The following SATB2 variants were observed in gnomAD, a reference collection of about 807,000 sequenced individuals.
SATB2 encodes SATB homeobox 2.
SATB2 carries 1 observed loss-of-function variant against 73.4 expected under a neutral mutation model. The observed-to-expected ratio is 0.01, with a 90% CI of 0.00 to 0.06. The LOEUF (loss-of-function observed/expected upper bound fraction) is 0.06, where lower values mean the gene tolerates loss of function less well. Ranked by LOEUF, SATB2 falls within the 10% of genes least tolerant of loss-of-function variation. The pLI, the probability that SATB2 is intolerant of heterozygous loss-of-function variation, is 1.00. For synonymous variants in SATB2, 397 were observed against 367.0 expected, an observed-to-expected ratio of 1.08 and a Z score of -0.93; for missense variants, 459 against 945.8, an observed-to-expected ratio of 0.49 and a Z score of 6.75.
intron 7 of SATB2, among the ~76,000 whole-genome samples, chr2:199,344,121 A>G (rs1483268982): frequency 6.6e-6 from 1 of 152,192 alleles, no homozygotes; most frequent in Non-Finnish European, 1.5e-5. Context: ...TCTAAAATCC[A>G]AAGTAATACA....
At chr2:199,388,192 A>G (rs1690017018) in intron 3 of SATB2, among the ~76,000 whole-genome samples, 1 of 152,238 alleles carries the variant, frequency 6.6e-6, no homozygotes, top group Non-Finnish European at 1.5e-5. Flanking sequence ...TGTATTAAGC[A>G]TGAAGCATTC....
chr2:199,452,799 A>T (rs1692165628), intron 2 of SATB2, among the ~76,000 whole-genome samples: 1 of 152,060 alleles, frequency 6.6e-6, no homozygotes, highest in African/African-American at 2.4e-5. Context: ...CCGTCTGTAA[A>T]AGCTGACTGA....
intron 10 of SATB2, among the ~76,000 whole-genome samples, chr2:199,291,704 G>C (rs1303095584): frequency 6.6e-6 from 1 of 152,062 alleles, no homozygotes; most frequent in Non-Finnish European, 1.5e-5. Flanking sequence ...CCTGAGGTCA[G>C]GAGTTTGAGA....
intron 3 of SATB2, among the ~76,000 whole-genome samples, chr2:199,398,687 A>G (rs971006967): frequency 6.6e-6 from 1 of 152,224 alleles, no homozygotes; most frequent in African/African-American, 2.4e-5. Flanking sequence ...TGGGTTCTCT[A>G]TAAGTTTTAA....
At chr2:199,313,284 A>G (rs1231727777) in intron 9 of SATB2, among the ~76,000 whole-genome samples, 2 of 152,192 alleles carry the variant, frequency 1.3e-5, no homozygotes, top group Non-Finnish European at 2.9e-5. Flanking sequence ...TTTTTTAGAT[A>G]CAGGAAATTC....
At chr2:199,282,794 G>A (rs1283151044) in intron 10 of SATB2, among the ~76,000 whole-genome samples, 2 of 152,062 alleles carry the variant, frequency 1.3e-5, no homozygotes, top group African/African-American at 4.8e-5. Context: ...CTACAAATAG[G>A]CACATCTACT....
chr2:199,289,523 CACA>C (rs1301410374), intron 10 of SATB2, among the ~76,000 whole-genome samples: 1 of 152,182 alleles, frequency 6.6e-6, no homozygotes, highest in Non-Finnish European at 1.5e-5. Context: ...TGTGTCTCCA[CACA>C]ACGTTGCCTT....
chr2:199,356,719 A>C (rs1029225699), intron 6 of SATB2, among the ~76,000 whole-genome samples: 23 of 152,196 alleles, frequency 1.5e-4, no homozygotes, highest in African/African-American at 5.5e-4. Flanking sequence ...CAAGTTCTAA[A>C]GCCTAAATGT....
chr2:199,420,832 CTTA>C (rs1441480684), intron 3 of SATB2, among the ~76,000 whole-genome samples: 4 of 151,940 alleles, frequency 2.6e-5, no homozygotes, highest in African/African-American at 4.8e-5. Flanking sequence ...CATTTGTATA[CTTA>C]TTGTATACTT....
chr2:199,400,378 T>C (rs1163919741), intron 3 of SATB2, among the ~76,000 whole-genome samples: 2 of 152,184 alleles, frequency 1.3e-5, no homozygotes, highest in African/African-American at 2.4e-5. Context: ...TGATACCAAT[T>C]CTTTTATGCT....
At chr2:199,316,388 T>C (rs1687736236) in intron 9 of SATB2, among the ~76,000 whole-genome samples, 2 of 152,128 alleles carry the variant, frequency 1.3e-5, no homozygotes, top group Non-Finnish European at 2.9e-5. Context: ...ACAAGGAGAT[T>C]ATCTAAACCT....
upstream of SATB2, chr2:199,457,968 G>A (rs912769335): frequency 6.5e-6 from 1 of 153,368 alleles, no homozygotes; most frequent in African/African-American, 2.4e-5. This position sits in a 1 kb window ranked among gnomAD's most constrained non-coding sequence, Gnocchi z 4.8. Context: ...GAGACACACT[G>A]AGAGGGAGAT....
At chr2:199,286,606 G>A (rs967776461) in intron 10 of SATB2, among the ~76,000 whole-genome samples, 1 of 151,950 alleles carries the variant, frequency 6.6e-6, no homozygotes, top group East Asian at 1.9e-4. Context: ...CCCACCACAC[G>A]CTCACTTGCC....
chr2:199,301,346 T>G (rs898328672), intron 10 of SATB2, among the ~76,000 whole-genome samples: 10 of 152,276 alleles, frequency 6.6e-5, no homozygotes, highest in Admixed American at 6.5e-4. Flanking sequence ...ACCTGTATTC[T>G]TCTACCCTGG....
intron 6 of SATB2, among the ~76,000 whole-genome samples, chr2:199,365,241 T>C (rs1638547850): frequency 6.6e-6 from 1 of 151,984 alleles, no homozygotes; most frequent in African/African-American, 2.4e-5. Flanking sequence ...ACTTCGGAGC[T>C]TATGAGCTCT....
chr2:199,433,564 T>A, intron 2 of SATB2, 50 bp from the exon 3 acceptor site: 1 of 1,543,768 alleles, frequency 6.5e-7, no homozygotes, highest in Non-Finnish European at 9.0e-7. Context: ...AAAGCAAATC[T>A]CAGTCACCAC....
intron 2 of SATB2, among the ~76,000 whole-genome samples, chr2:199,443,271 T>G (rs116770276): frequency 7.8e-4 from 119 of 152,148 alleles, no homozygotes; most frequent in African/African-American, 2.8e-3. Flanking sequence ...TTGATTAATT[T>G]CTCCAGTGTA....
chr2:199,452,678 C>T (rs1026718920), intron 2 of SATB2, among the ~76,000 whole-genome samples: 12 of 152,034 alleles, frequency 7.9e-5, no homozygotes, highest in Non-Finnish European at 1.3e-4. Context: ...TGAATGTTAC[C>T]CAGCAGGGAT....
intron 6 of SATB2, among the ~76,000 whole-genome samples, chr2:199,356,225 C>CAAAAAAAAA (rs200509001): frequency 1.1e-3 from 109 of 100,856 alleles, no homozygotes; most frequent in East Asian, 3.1e-3. Flanking sequence ...GAACATAAGC[C>CAAAAAAAAA]AAAAAAAAAA....
Sources: gnomAD v4.1 joint callset for allele counts (sites outside exome capture counted in the v4.1 genomes callset) on GRCh38, gnomAD v4.1.1 for gene constraint, Gnocchi (gnomAD v3.1) non-coding constraint, MANE v1.5 for transcripts, NCBI Gene and HGNC (gene_info 2026-07-23, HGNC 2026-07-21) for gene names.